The following ADA variants were observed in gnomAD, a reference collection of about 807,000 sequenced individuals.
The protein encoded by ADA is adenosine aminohydrolase.
Under a neutral mutation model 49.0 loss-of-function variants are expected in ADA, and 45 were observed. The observed-to-expected ratio is 0.92, with a 90% CI of 0.72 to 1.18. The LOEUF is 1.18. ADA is among the 50% of genes most tolerant of loss of function. The pLI, the probability that ADA is intolerant of heterozygous loss-of-function variation, is 0.00. For missense variants in ADA, 445 were observed against 472.5 expected (o/e 0.94, Z 0.54); for synonymous variants, 173 against 184.2 (o/e 0.94, Z 0.49).
At chr20:44,634,683 C>T (rs1268804636) in intron 2 of ADA, among the ~76,000 whole-genome samples, 1 of 152,268 alleles carries the variant, frequency 6.6e-6, no homozygotes, top group Non-Finnish European at 1.5e-5. Flanking sequence ...TCAATGGCAG[C>T]TTCCTGGGGC....
At chr20:44,639,371 C>T (rs1383489152) in intron 1 of ADA, among the ~76,000 whole-genome samples, 1 of 151,948 alleles carries the variant, frequency 6.6e-6, no homozygotes, top group Non-Finnish European at 1.5e-5. Context: ...GGGAGGGAGG[C>T]ATGATTGGTT....
intron 5 of ADA, among the ~76,000 whole-genome samples, chr20:44,625,227 C>T (rs1286354172): frequency 2.0e-5 from 3 of 152,136 alleles, no homozygotes; most frequent in African/African-American, 7.2e-5. Context: ...CAGGCCCAGA[C>T]AGGATGGGGC....
At chr20:44,626,673 C>T (rs1236881648) in intron 3 of ADA, 74 bp from the exon 4 acceptor site, 2 of 1,589,990 alleles carry the variant, frequency 1.3e-6, no homozygotes, top group African/African-American at 2.7e-5. Context: ...AATGACATCC[C>T]CAACCCTTGG....
rs1484350558 is a variant in ADA at position 44,651,612 on chromosome 20, C to T, written c.-5G>A. Reference sequence around the variant, plus strand: ...GAAGGCGGGCGTCTGGGCCATGGTGCCCTCGTGCGCCCCGGCGCTGCTCCC... The same window carrying T: ...GAAGGCGGGCGTCTGGGCCATGGTGTCCTCGTGCGCCCCGGCGCTGCTCCC... On this transcript the variant is annotated 5_prime_UTR_variant, in exon 1 of 12. Coordinates refer to ENST00000372874, the MANE Select transcript of ADA (RefSeq NM_000022.4). 4.6e-6 allele frequency: 7 copies of T among 1,532,924 alleles called. No homozygotes were observed. In the African/African-American group the frequency reaches 9.8e-5, roughly 21 times the overall value. 95.0% of individuals were successfully genotyped at this position (1,532,924 alleles called of 1,614,324 possible).
intron 1 of ADA, 106 bp from the exon 2 acceptor site, chr20:44,636,394 A>AC: frequency 1.1e-6 from 1 of 946,964 alleles, no homozygotes; most frequent in Non-Finnish European, 1.6e-6. Context: ...AATCATGATA[A>AC]CCATTAGCCA....
At chr20:44,620,715 A>T in intron 10 of ADA, 1 of 560,154 alleles carries the variant, frequency 1.8e-6, no homozygotes, top group Non-Finnish European at 3.2e-6. Flanking sequence ...GGATTTAAGA[A>T]CAACCTGAAG....
Position 44,651,593 on chromosome 20 carries a change from G to C in ADA, c.15C>G (p.Pro5=), listed in dbSNP as rs1377009879. 1 of 1,539,766 alleles carries C rather than the reference G, an allele frequency of 6.5e-7. No individual in the cohort carries two copies. The highest frequency in any genetic ancestry group is 8.7e-7 in the Non-Finnish European group (1 of 1,150,500). MAQT[P]AFDKPKVELH... is the part of the protein sequence containing the mutation. ...CGCTCACTTTGGGCTTGTCGAAGGCGGGCGTCTGGGCCATGGTGCCCTCGT... is the reference window on the plus strand; with the variant it reads ...CGCTCACTTTGGGCTTGTCGAAGGCCGGCGTCTGGGCCATGGTGCCCTCGT... The change falls in exon 1 of 12, where the codon CCC becomes CCG. Residue 5 remains proline, a synonymous_variant. Coordinates refer to ENST00000372874, the MANE Select transcript of ADA (RefSeq NM_000022.4).
rs533290914 is a variant in ADA, at chr20:44,649,825, T to A, written c.33+1750A>T. ...ATCTCGGCTCACTGCAAGCTCCACCTCCTGGGTTTATGCCATTCTCCTGCC... is the reference window on the plus strand; with the variant it reads ...ATCTCGGCTCACTGCAAGCTCCACCACCTGGGTTTATGCCATTCTCCTGCC... On this transcript the variant is annotated intron_variant, in intron 1 of 11. Coordinates refer to ENST00000372874, the MANE Select transcript of ADA (RefSeq NM_000022.4). Among the ~76,000 whole-genome samples, 9 of 130,208 alleles carry A rather than the reference T, an allele frequency of 6.9e-5. No homozygotes were observed. In the East Asian group the frequency reaches 2.3e-3, roughly 33 times the overall value. 85.4% of individuals were successfully genotyped at this position (130,208 alleles called of 152,430 possible).
intron 1 of ADA, among the ~76,000 whole-genome samples, chr20:44,637,182 T>C (rs1205169196): frequency 2.6e-5 from 4 of 152,198 alleles, no homozygotes. Context: ...AAGATCTTTC[T>C]AGTACTCTAG....
Position 44,619,736 on chromosome 20 carries a change from G to T in ADA, c.*98C>A. 1 of 1,499,572 alleles carries T rather than the reference G, an allele frequency of 6.7e-7. No individual in the cohort carries two copies. Among genetic ancestry groups the T allele is most frequent in the South Asian group, 1.1e-5 (1 of 88,334 alleles). The allele number at this position is 1,499,572 out of a possible 1,614,324, so 92.9% of individuals were successfully genotyped here. The stretch of plus-strand genomic sequence containing the variant: ...AGGAGCATCAGTAACTGACTATTGA[G>T]ATCATGGTCTTCTTGGAAGGAATAA... On this transcript the variant is annotated 3_prime_UTR_variant, in exon 12 of 12. Coordinates refer to ENST00000372874, the MANE Select transcript of ADA (RefSeq NM_000022.4).
chr20:44,628,928 G>C lies in ADA; in HGVS notation c.218+119C>G, dbSNP rs949041450. The C allele has an allele frequency of 1.9e-5, 28 of 1,493,942 alleles. No individual in the cohort carries two copies. The Admixed American group carries it at 4.7e-4, about 25-fold the overall frequency. 92.5% of individuals were successfully genotyped at this position (1,493,942 alleles called of 1,614,324 possible). A position where few individuals can be genotyped will look rare whatever the true frequency, so the allele number is the denominator to read the frequency against. On this transcript the variant is annotated intron_variant, in intron 3 of 11. Transcript: ENST00000372874. ...AGACTCACTAAGTGTACACAATGGT[G>C]AGAAAGACAGCTGTGGTTTCAGAGC...
Position 44,623,126 on chromosome 20 carries a change from G to A in ADA, c.607-48C>T, listed in dbSNP as rs929089. On this transcript the variant is annotated intron_variant, in intron 6 of 11. Transcript: ENST00000372874. Reference sequence around the variant, plus strand: ...ATGGGTGCCCTAGCGGGAGGGCCCCGGCAGGCCCTGCCTTGACCATGCTGT... The same window carrying A: ...ATGGGTGCCCTAGCGGGAGGGCCCCAGCAGGCCCTGCCTTGACCATGCTGT... 196,532 of 1,610,800 alleles carry A rather than the reference G, an allele frequency of 0.12. 12,903 individuals carry two copies. Among genetic ancestry groups the A allele is most frequent in the South Asian group, 0.22 (19,945 of 90,950 alleles).
chr20:44,624,056 C>G (rs1229898244), intron 6 of ADA, 146 bp downstream of exon 6: 1 of 1,207,864 alleles, frequency 8.3e-7, no homozygotes, highest in Non-Finnish European at 1.2e-6. Context: ...CAGGGGGATT[C>G]CAGTTCCAAG....
At chr20:44,635,257 A>AG (rs2065469686) in intron 2 of ADA, among the ~76,000 whole-genome samples, 1 of 152,198 alleles carries the variant, frequency 6.6e-6, no homozygotes. Context: ...GAGCTGAGGC[A>AG]GGAAGTGTGT....
rs1283437004 is a variant in ADA, at chr20:44,623,875, G to C, written c.606+327C>G. ...CAATTCTCCCACCTCAGCCTCCCAA[G>C]TAGCTGGGACTACAGGCATGCACCA... On this transcript the variant is annotated intron_variant, in intron 6 of 11. Transcript: ENST00000372874. 9 of 393,950 alleles carry C rather than the reference G, an allele frequency of 2.3e-5. No individual in the cohort carries two copies. In the Admixed American group the frequency reaches 2.7e-4, roughly 12 times the overall value. 24.4% of individuals were successfully genotyped at this position (393,950 alleles called of 1,614,324 possible). A position where few individuals can be genotyped will look rare whatever the true frequency, so the allele number is the denominator to read the frequency against.
At chr20:44,642,938 T>G (rs6031689) in intron 1 of ADA, among the ~76,000 whole-genome samples, 29,342 of 152,036 alleles carry the variant, frequency 0.19, 3,537 homozygotes, top group African/African-American at 0.35. Flanking sequence ...CTGCCCACCA[T>G]GACCAGTAGC....
chr20:44,633,422 T>C (rs1442807321), intron 2 of ADA, among the ~76,000 whole-genome samples: 3 of 152,206 alleles, frequency 2.0e-5, no homozygotes, highest in African/African-American at 7.2e-5. Flanking sequence ...ACATCCAGTG[T>C]GGACTAAGCA....
At chr20:44,631,895 C>T (rs1049105043) in intron 2 of ADA, among the ~76,000 whole-genome samples, 2 of 152,140 alleles carry the variant, frequency 1.3e-5, no homozygotes, top group African/African-American at 4.8e-5. Flanking sequence ...CTCGCGCCAC[C>T]TTTCCCCTCC....
intron 1 of ADA, among the ~76,000 whole-genome samples, chr20:44,645,615 CTG>C (rs1267343833): frequency 6.6e-6 from 1 of 152,132 alleles, no homozygotes; most frequent in Non-Finnish European, 1.5e-5. Context: ...GAGTGAGACT[CTG>C]TCTCAAAAGT....
Sources: gnomAD v4.1 joint callset for allele counts (sites outside exome capture counted in the v4.1 genomes callset) on GRCh38, gnomAD v4.1.1 for gene constraint, MANE v1.5 for transcripts, NCBI Gene and HGNC (gene_info 2026-07-23, HGNC 2026-07-21) for gene names.